Variants in SMCHD1 observed in about 807,000 individuals in gnomAD.
The protein encoded by SMCHD1 is structural maintenance of chromosomes flexible hinge domain-containing protein 1.
A neutral mutation model predicts 254.7 loss-of-function variants in SMCHD1; 78 were observed. The observed-to-expected ratio is 0.31, with a 90% CI of 0.26 to 0.37. The LOEUF is 0.37. SMCHD1 is among the 10% of genes least tolerant of loss of function. The probability of loss-of-function intolerance (pLI) is 1.00; values close to 1 mark genes in which losing one functional copy is unlikely to be tolerated. For synonymous variants in SMCHD1, 766 were observed against 794.9 expected (o/e 0.96, Z 0.61); for missense variants, 1,840 against 2,408.1 (o/e 0.76, Z 4.94).
rs1157560234 is a variant in SMCHD1, at chr18:2,750,475, A to G, written c.4133A>G (p.Asp1378Gly). The G allele has an allele frequency of 1.2e-6, 2 of 1,609,172 alleles. No individual in the cohort carries two copies. Among genetic ancestry groups the G allele is most frequent in the South Asian group, 2.2e-5 (2 of 90,488 alleles). The change falls in exon 32 of 48, where the codon GAT (aspartate) becomes GGT (glycine). Residue 1378 changes from aspartate to glycine, a missense_variant. This residue lies in a region of SMCHD1 where 881 missense variants were observed against 1,009.5 expected (regional missense o/e 0.87). Coordinates refer to ENST00000320876, the MANE Select transcript of SMCHD1 (RefSeq NM_015295.3). ...CGTCTCAATGTTAAATATGACAAAG[A>G]TGCATCCTTCTTAGCAGGGGGTCTT... ...PVRLNVKYDK[D>G]ASFLAGGLFT...
intron 7 of SMCHD1, among the ~76,000 whole-genome samples, chr18:2,690,754 G>A (rs1702338092): frequency 6.6e-6 from 1 of 151,306 alleles, no homozygotes. Flanking sequence ...AAAGTGCTAG[G>A]ATTACAGGTG....
At chr18:2,763,167 G>GGCATC (rs763004088) in intron 36 of SMCHD1, among the ~76,000 whole-genome samples, 1 of 152,180 alleles carries the variant, frequency 6.6e-6, no homozygotes, top group African/African-American at 2.4e-5. Flanking sequence ...AAAACATCTT[G>GGCATC]TTGGGGTAAA....
At position 2,763,998 on chromosome 18, in the gene SMCHD1, A is replaced by T. The variant is rs2075828177; in HGVS notation, c.4719+209A>T. The T allele has an allele frequency of 1.5e-5, 7 of 456,266 alleles. No individual in the cohort carries two copies. The Middle Eastern group carries it at 1.7e-3, about 111-fold the overall frequency. The allele number at this position is 456,266 out of a possible 1,614,324, so 28.3% of individuals were successfully genotyped here. A position where few individuals can be genotyped will look rare whatever the true frequency, so the allele number is the denominator to read the frequency against. Reference sequence around the variant, plus strand: ...AGACTCTCGTTTTTCCTATGGGATAACAGCTTTCTCTGATTCTAGTTGTTT... The same window carrying T: ...AGACTCTCGTTTTTCCTATGGGATATCAGCTTTCTCTGATTCTAGTTGTTT... On this transcript the variant is annotated intron_variant, in intron 37 of 47. Transcript: ENST00000320876.
At chr18:2,783,981 A>C (rs989858067) in intron 44 of SMCHD1, among the ~76,000 whole-genome samples, 10 of 152,116 alleles carry the variant, frequency 6.6e-5, no homozygotes, top group African/African-American at 2.4e-4. Context: ...TTATCTTCCC[A>C]TACCTAAAAC....
Position 2,723,061 on chromosome 18 carries a change from A to T in SMCHD1, c.2603+398A>T, listed in dbSNP as rs563136889. Reference sequence around the variant, plus strand: ...CTTCTGGATTTAATCCCCAATTTTTAAAAAAATGTTCTCAATCTTTTTGTT... The same window carrying T: ...CTTCTGGATTTAATCCCCAATTTTTTAAAAAATGTTCTCAATCTTTTTGTT... On this transcript the variant is annotated intron_variant, in intron 20 of 47. Coordinates refer to ENST00000320876, the MANE Select transcript of SMCHD1 (RefSeq NM_015295.3). Among the ~76,000 whole-genome samples, 191 of 152,264 alleles carry T rather than the reference A, an allele frequency of 1.3e-3. 1 individual carries two copies. The highest frequency in any genetic ancestry group is 2.1e-3 in the Non-Finnish European group (144 of 68,020).
chr18:2,698,052 C>G lies in SMCHD1; in HGVS notation c.1342+11C>G, dbSNP rs2074320942. On this transcript the variant is annotated intron_variant, in intron 10 of 47. Transcript: ENST00000320876. ...CATGCTTTCCATCAAGTATGTTAAT[C>G]TGTTATCTTAGTTATAAAATATGAA... 6.3e-7 allele frequency: 1 copy of G among 1,582,446 alleles called. No homozygotes were observed.
chr18:2,720,546 T>C (rs1291069336), intron 19 of SMCHD1, among the ~76,000 whole-genome samples: 5 of 152,180 alleles, frequency 3.3e-5, no homozygotes, highest in Admixed American at 3.3e-4. Flanking sequence ...GGGGTAATTA[T>C]GATATGAGAA....
At chr18:2,761,757 G>A (rs995786733) in intron 35 of SMCHD1, among the ~76,000 whole-genome samples, 2 of 152,178 alleles carry the variant, frequency 1.3e-5, no homozygotes, top group Non-Finnish European at 2.9e-5. Flanking sequence ...GGCGGAGGTT[G>A]CAGTGAGCAG....
chr18:2,717,620 T>G (rs549895163), intron 17 of SMCHD1, among the ~76,000 whole-genome samples: 2 of 152,348 alleles, frequency 1.3e-5, no homozygotes, highest in East Asian at 3.9e-4. Flanking sequence ...GGGCCTGTTA[T>G]GCTTTTATGT....
At chr18:2,698,758 T>C (rs779059310) in intron 10 of SMCHD1, among the ~76,000 whole-genome samples, 5 of 152,154 alleles carry the variant, frequency 3.3e-5, no homozygotes, top group Non-Finnish European at 5.9e-5. Flanking sequence ...GCACCAGTTA[T>C]TGAATGTTAT....
chr18:2,669,159 G>A (rs2073526084), intron 3 of SMCHD1, among the ~76,000 whole-genome samples: 1 of 151,316 alleles, frequency 6.6e-6, no homozygotes, highest in South Asian at 2.1e-4. Context: ...CGGCCTGGGG[G>A]ACATGATATG....
intron 32 of SMCHD1, among the ~76,000 whole-genome samples, 185 bp from the exon 33 acceptor site, chr18:2,751,093 A>G (rs1320332749): frequency 6.6e-6 from 1 of 152,158 alleles, no homozygotes; most frequent in South Asian, 2.1e-4. Flanking sequence ...TGCTGAGTAT[A>G]CATTCTAGTC....
At chr18:2,729,709 C>CTTTTTTTTT (rs72203094) in intron 24 of SMCHD1, among the ~76,000 whole-genome samples, 1 of 140,476 alleles carries the variant, frequency 7.1e-6, no homozygotes. Flanking sequence ...TATTCTTTCG[C>CTTTTTTTTT]TTTTTTTTTT....
rs2075953567 is a variant in SMCHD1 at position 2,770,234 on chromosome 18, G to A, written c.4966+126G>A. On this transcript the variant is annotated intron_variant, in intron 39 of 47. Transcript: ENST00000320876. ...GTAAAATACAGAATGTTTCAGAAAG[G>A]TGGTAATGATGGTTGATACTGTCAT... The A allele has an allele frequency of 1.5e-5, 14 of 963,962 alleles. No homozygotes were observed. In the South Asian group the frequency reaches 1.9e-4, roughly 13 times the overall value. 59.7% of individuals were successfully genotyped at this position (963,962 alleles called of 1,614,324 possible).
chr18:2,802,468 G>A (rs2076381028), intron 47 of SMCHD1, 60 bp from the exon 48 acceptor site: 6 of 1,339,024 alleles, frequency 4.5e-6, no homozygotes, highest in Non-Finnish European at 5.2e-6. Flanking sequence ...TGTGATGAGG[G>A]AATTCAGGGA....
chr18:2,772,772 A>C (rs1313886938), intron 41 of SMCHD1, among the ~76,000 whole-genome samples: 1 of 152,224 alleles, frequency 6.6e-6, no homozygotes, highest in African/African-American at 2.4e-5. Flanking sequence ...CTGTGACTAC[A>C]GGCATGTGCC....
At chr18:2,786,106 C>T (rs368798944) in intron 45 of SMCHD1, among the ~76,000 whole-genome samples, 5 of 152,090 alleles carry the variant, frequency 3.3e-5, no homozygotes, top group African/African-American at 7.2e-5. Context: ...CTCGGTCTCC[C>T]GGGATCAAGC....
chr18:2,771,696 A>G, intron 40 of SMCHD1, 78 bp downstream of exon 40: 1 of 1,120,214 alleles, frequency 8.9e-7, no homozygotes, highest in Non-Finnish European at 1.2e-6. Context: ...AGTTTTTATT[A>G]GGAATTCTGA....
intron 36 of SMCHD1, 62 bp downstream of exon 36, chr18:2,762,298 G>A (rs2143692413): frequency 1.3e-6 from 2 of 1,535,204 alleles, no homozygotes; most frequent in Non-Finnish European, 1.8e-6. Flanking sequence ...TTGATTTTAG[G>A]GTACAAAATT....
Sources: allele counts gnomAD v4.1 joint callset (sites outside exome capture counted in the v4.1 genomes callset), GRCh38; gene constraint gnomAD v4.1.1; regional missense constraint gnomAD v4.1.1; transcripts MANE v1.5; gene names NCBI Gene and HGNC (gene_info 2026-07-23, HGNC 2026-07-21).